The following GLG1 variants were observed in gnomAD, a reference collection of about 807,000 sequenced individuals.
The protein encoded by GLG1 is golgi glycoprotein 1.
GLG1 carries 38 observed loss-of-function variants against 160.5 expected under a neutral mutation model. The observed-to-expected ratio is 0.24, with a 90% CI of 0.18 to 0.31. The LOEUF (loss-of-function observed/expected upper bound fraction) is 0.31, where lower values mean the gene tolerates loss of function less well. Ranked by LOEUF, GLG1 falls within the 10% of genes least tolerant of loss-of-function variation. The pLI is 1.00. For missense variants in GLG1, 1,373 were observed against 1,505.2 expected (o/e 0.91, Z 1.45); for synonymous variants, 644 against 543.4 (o/e 1.19, Z -2.57).
intron 6 of GLG1, among the ~76,000 whole-genome samples, chr16:74,493,711 A>G (rs2016083897): frequency 1.3e-5 from 2 of 152,224 alleles, no homozygotes; most frequent in African/African-American, 2.4e-5. Context: ...TCTTGCATTC[A>G]TTCAGGGACA....
intron 20 of GLG1, 187 bp downstream of exon 20, chr16:74,463,169 C>A: frequency 1.7e-6 from 1 of 593,136 alleles, no homozygotes. Flanking sequence ...GTGGCCTCCT[C>A]TCTCCCCTGA....
chr16:74,596,833 T>C (rs776718643), intron 1 of GLG1, among the ~76,000 whole-genome samples: 2 of 152,146 alleles, frequency 1.3e-5, no homozygotes, highest in Admixed American at 6.5e-5. Context: ...TAGGATGTAA[T>C]AGGCTGGGTA....
intron 2 of GLG1, among the ~76,000 whole-genome samples, chr16:74,530,282 T>G (rs148917271): frequency 3.3e-5 from 5 of 152,228 alleles, no homozygotes; most frequent in Non-Finnish European, 7.3e-5. Flanking sequence ...CATAAATTCA[T>G]AGAAGTAGAA....
intron 1 of GLG1, among the ~76,000 whole-genome samples, chr16:74,554,641 G>A (rs1441037200): frequency 1.3e-5 from 2 of 152,178 alleles, no homozygotes; most frequent in Non-Finnish European, 2.9e-5. Flanking sequence ...ATTAAATCAC[G>A]ATGAAAATGA....
At position 74,465,877 on chromosome 16, in the gene GLG1, T is replaced by A. The variant is rs2014982133; in HGVS notation, c.2530-64A>T. 5 of 1,411,478 alleles carry A rather than the reference T, an allele frequency of 3.5e-6. No individual in the cohort carries two copies. In the South Asian group the frequency reaches 5.9e-5, roughly 17 times the overall value. 87.4% of individuals were successfully genotyped at this position (1,411,478 alleles called of 1,614,324 possible). A position where few individuals can be genotyped will look rare whatever the true frequency, so the allele number is the denominator to read the frequency against. ...GAGACTGCTCATCCATGTGTTCTGA[T>A]TGAAACATTCAGCTCCACTGTGCCT... On this transcript the variant is annotated intron_variant, in intron 18 of 25. Transcript: ENST00000422840.
rs529033142 is a variant in GLG1, at chr16:74,465,983, A to G, written c.2530-170T>C. 2.4e-3 allele frequency among the ~76,000 whole-genome samples: 368 copies of G among 152,306 alleles called. 1 individual carries two copies. Among genetic ancestry groups the G allele is most frequent in the African/African-American group, 8.5e-3 (352 of 41,556 alleles). ...CAAAGATAAGGATTTACAACCTTAC[A>G]GCTGACAGCAAACCCAACTAGACAA... On this transcript the variant is annotated intron_variant, in intron 18 of 25. Coordinates refer to ENST00000422840, the MANE Select transcript of GLG1 (RefSeq NM_001145667.2).
intron 9 of GLG1, among the ~76,000 whole-genome samples, chr16:74,483,466 T>C (rs1341691695): frequency 1.3e-5 from 2 of 152,194 alleles, no homozygotes; most frequent in Admixed American, 1.3e-4. Flanking sequence ...CCAAGTCTGT[T>C]TTAACTCTAG....
chr16:74,605,709 T>C (rs1271315620), intron 1 of GLG1, among the ~76,000 whole-genome samples: 4 of 152,120 alleles, frequency 2.6e-5, no homozygotes, highest in Admixed American at 6.6e-5. Flanking sequence ...GGTCTTGCTA[T>C]AGCTTGAACG....
intron 8 of GLG1, among the ~76,000 whole-genome samples, chr16:74,487,433 A>AG (rs1673940480): frequency 1.3e-5 from 2 of 149,556 alleles, no homozygotes; most frequent in Non-Finnish European, 3.0e-5. Flanking sequence ...AAGGAAATAA[A>AG]GGAAAAAACC....
chr16:74,453,361 C>T, intron 25 of GLG1, 27 bp from the exon 26 acceptor site: 2 of 1,524,434 alleles, frequency 1.3e-6, no homozygotes, highest in Non-Finnish European at 1.8e-6. Context: ...CAATGTGATT[C>T]TCTGAGAGAG....
chr16:74,602,146 T>C (rs1417124355), intron 1 of GLG1, among the ~76,000 whole-genome samples: 1 of 152,162 alleles, frequency 6.6e-6, no homozygotes. Flanking sequence ...AGGGGGTTTA[T>C]GGTTTGCAAC....
chr16:74,475,822 A>C (rs1461987646), intron 12 of GLG1, among the ~76,000 whole-genome samples: 3 of 152,206 alleles, frequency 2.0e-5, no homozygotes, highest in African/African-American at 7.2e-5. Context: ...AGAAGAAATA[A>C]AAAAGCTAAA....
chr16:74,468,940 C>T lies in GLG1; in HGVS notation c.2436+6G>A, dbSNP rs756941230. ...GTTTCTGGGAGCAGAGGCTGGGAGG[C>T]ATTACCATCTCCAGCTCCTCCACAC... On this transcript the variant is annotated splice_donor_region_variant and intron_variant, in intron 17 of 25. Transcript: ENST00000422840. 11 of 1,524,096 alleles carry T rather than the reference C, an allele frequency of 7.2e-6. No individual in the cohort carries two copies. The highest frequency in any genetic ancestry group is 1.4e-5 in the African/African-American group (1 of 73,206). 94.4% of individuals were successfully genotyped at this position (1,524,096 alleles called of 1,614,324 possible).
In GLG1 at chr16:74,447,733, G is replaced by A. The variant is rs1363375416; in HGVS notation, c.*5434C>T. The A allele has an allele frequency of 6.6e-6, 1 of 152,314 alleles. No individual in the cohort carries two copies. Among genetic ancestry groups the A allele is most frequent in the Non-Finnish European group, 1.5e-5 (1 of 68,096 alleles). 9.4% of individuals were successfully genotyped at this position (152,314 alleles called of 1,614,324 possible). A position where few individuals can be genotyped will look rare whatever the true frequency, so the allele number is the denominator to read the frequency against. ...CCGGATGGACTGGTTTGGGAACACT[G>A]TGCTGGGGGAAGCTGCCCAGGAAGC... On this transcript the variant is annotated 3_prime_UTR_variant, in exon 26 of 26. Coordinates refer to ENST00000422840, the MANE Select transcript of GLG1 (RefSeq NM_001145667.2).
At chr16:74,454,239 G>A (rs1014947065) in intron 25 of GLG1, among the ~76,000 whole-genome samples, 5 of 151,554 alleles carry the variant, frequency 3.3e-5, no homozygotes, top group Admixed American at 6.6e-5. Context: ...GGGGTCTCGC[G>A]CTGTTGCCCA....
chr16:74,548,625 A>G (rs2143687168), intron 1 of GLG1, among the ~76,000 whole-genome samples: 1 of 150,758 alleles, frequency 6.6e-6, no homozygotes, highest in African/African-American at 2.4e-5. Context: ...ACAATTTTTC[A>G]GGACTTTTAG....
At chr16:74,490,198 G>A (rs1039680604) in intron 8 of GLG1, among the ~76,000 whole-genome samples, 2 of 152,160 alleles carry the variant, frequency 1.3e-5, no homozygotes, top group African/African-American at 2.4e-5. Flanking sequence ...TGGACAACAG[G>A]AATGAAAGGG....
intron 1 of GLG1, among the ~76,000 whole-genome samples, chr16:74,584,372 T>C (rs1958000646): frequency 1.3e-5 from 2 of 152,218 alleles, no homozygotes; most frequent in Admixed American, 6.6e-5. Context: ...AATTGCATCA[T>C]AAATGCCTAA....
chr16:74,560,234 GAACA>G (rs1270936494), intron 1 of GLG1, among the ~76,000 whole-genome samples: 1 of 151,180 alleles, frequency 6.6e-6, no homozygotes, highest in African/African-American at 2.4e-5. Context: ...GGTCTGAATA[GAACA>G]AAAAGGCTGA....
Sources: gnomAD v4.1 joint callset for allele counts (sites outside exome capture counted in the v4.1 genomes callset) on GRCh38, gnomAD v4.1.1 for gene constraint, MANE v1.5 for transcripts, NCBI Gene and HGNC (gene_info 2026-07-23, HGNC 2026-07-21) for gene names.